The following DOCK8 variants were observed in gnomAD, a reference collection of about 807,000 sequenced individuals.
The protein encoded by DOCK8 is dedicator of cytokinesis 8.
In DOCK8, 141 loss-of-function variants were observed where a neutral mutation model predicts 245.6. That is an observed-to-expected ratio of 0.57 (90% confidence interval 0.50 to 0.66). The LOEUF (loss-of-function observed/expected upper bound fraction) is 0.66. Ranked by LOEUF, DOCK8 falls within the 30% of genes least tolerant of loss-of-function variation. The pLI is 0.00. For synonymous variants in DOCK8, 1,168 were observed against 970.2 expected (o/e 1.20, Z -3.79); for missense variants, 2,965 against 2,603.4 (o/e 1.14, Z -3.02).
At chr9:420,641 C>T in intron 31 of DOCK8, 58 bp downstream of exon 31, 1 of 1,602,372 alleles carries the variant, frequency 6.2e-7, no homozygotes, top group Non-Finnish European at 8.5e-7. Context: ...GCAATTCTGT[C>T]TTCTTACTCA....
At chr9:357,563 A>T (rs538585033) in intron 14 of DOCK8, among the ~76,000 whole-genome samples, 238 of 151,280 alleles carry the variant, frequency 1.6e-3, no homozygotes, top group Non-Finnish European at 2.3e-3. Context: ...CATTTATTGT[A>T]GAGTTTTTAA....
chr9:405,191 A>G (rs2055356285), intron 27 of DOCK8, 118 bp downstream of exon 27: 7 of 1,068,380 alleles, frequency 6.6e-6, no homozygotes, highest in East Asian at 2.6e-5. Context: ...AAATCAAACA[A>G]TTCAAACCAG....
chr9:274,864 G>A (rs2048281904), intron 2 of DOCK8, among the ~76,000 whole-genome samples: 1 of 152,118 alleles, frequency 6.6e-6, no homozygotes, highest in Non-Finnish European at 1.5e-5. Context: ...TCTGACCTTC[G>A]TTTCTCTTAC....
intron 27 of DOCK8, among the ~76,000 whole-genome samples, chr9:406,605 T>C (rs537201692): frequency 3.3e-4 from 51 of 152,270 alleles, no homozygotes; most frequent in African/African-American, 1.2e-3. Flanking sequence ...GAGGTTCTTA[T>C]TTCTCTGTCC....
rs1463046029 is a variant in DOCK8 at position 390,584 on chromosome 9, TTGTATC to T, written c.2970+22_2970+27del. 1 of 1,610,434 alleles carries T rather than the reference TTGTATC, an allele frequency of 6.2e-7. No homozygotes were observed. The highest frequency in any genetic ancestry group is 1.7e-5 in the Admixed American group (1 of 60,024). On this transcript the variant is annotated intron_variant, in intron 24 of 47. Coordinates refer to ENST00000432829, the MANE Select transcript of DOCK8 (RefSeq NM_203447.4). ...AGCTTCTGGTGAGATTCTTGCGCGT[TTGTATC>T]TGTGCTCAATAGGCCAAGAGAAGCA... is the stretch of plus-strand genomic sequence containing the variant.
intron 39 of DOCK8, among the ~76,000 whole-genome samples, chr9:436,645 A>G (rs1490034109): frequency 6.6e-6 from 1 of 152,234 alleles, no homozygotes; most frequent in Admixed American, 6.5e-5. Flanking sequence ...TTGATTTGCT[A>G]ATAATGACAT....
At chr9:408,770 A>G (rs992245890) in intron 28 of DOCK8, among the ~76,000 whole-genome samples, 12 of 152,226 alleles carry the variant, frequency 7.9e-5, no homozygotes, top group Non-Finnish European at 2.9e-5. Flanking sequence ...GATTCCTTGT[A>G]AAATTGTTGC....
In DOCK8 at chr9:372,210, G is replaced by T; in HGVS notation, c.2033G>T (p.Arg678Leu). ...YSWLPILLNE[R>L]LQTGSYCLPV... ...TGGCTGCCAATTCTCTTAAATGAAC[G>T]TCTTCAAACTGGATCCTACTGTCTC... Residue 678 changes from arginine to leucine, a missense_variant, in exon 18 of 48, where the codon CGT becomes CTT. Coordinates refer to ENST00000432829, the MANE Select transcript of DOCK8 (RefSeq NM_203447.4). 1 of 1,613,932 alleles carries T rather than the reference G, an allele frequency of 6.2e-7. No individual in the cohort carries two copies.
intron 4 of DOCK8, among the ~76,000 whole-genome samples, chr9:290,192 C>T (rs961748294): frequency 5.3e-5 from 8 of 152,010 alleles, no homozygotes; most frequent in African/African-American, 1.7e-4. Context: ...ACCCCTAGCC[C>T]GTGGGCAACA....
chr9:312,197 C>G (rs1227000426), intron 6 of DOCK8, 31 bp downstream of exon 6: 1 of 1,609,652 alleles, frequency 6.2e-7, no homozygotes. Context: ...ACTGGAGAAT[C>G]TCAGTGAAGA....
chr9:431,232 A>G (rs1235847544), intron 36 of DOCK8, among the ~76,000 whole-genome samples: 2 of 152,206 alleles, frequency 1.3e-5, no homozygotes, highest in African/African-American at 2.4e-5. Flanking sequence ...ATTATAGAAC[A>G]GTCAAGTTTG....
intron 5 of DOCK8, among the ~76,000 whole-genome samples, chr9:307,681 C>G (rs2049910734): frequency 6.6e-6 from 1 of 151,990 alleles, no homozygotes; most frequent in African/African-American, 2.4e-5. Flanking sequence ...TAAGAGCCAA[C>G]TTGATCATAT....
intron 1 of DOCK8, among the ~76,000 whole-genome samples, chr9:251,137 G>T (rs1257102598): frequency 6.6e-6 from 1 of 152,168 alleles, no homozygotes; most frequent in Non-Finnish European, 1.5e-5. Context: ...TGTTTCAGAT[G>T]TCTCCTTTGC....
At chr9:384,911 G>A (rs950656758) in intron 22 of DOCK8, among the ~76,000 whole-genome samples, 3 of 151,944 alleles carry the variant, frequency 2.0e-5, no homozygotes, top group African/African-American at 7.3e-5. Flanking sequence ...GCGAGACTAC[G>A]TCTAAAAAAA....
At chr9:307,726 A>C (rs2049913579) in intron 5 of DOCK8, among the ~76,000 whole-genome samples, 1 of 152,102 alleles carries the variant, frequency 6.6e-6, no homozygotes, top group Non-Finnish European at 1.5e-5. Flanking sequence ...ATATGTCCAG[A>C]GGAAAGGATA....
At chr9:407,958 A>G (rs1441175069) in intron 28 of DOCK8, among the ~76,000 whole-genome samples, 4 of 152,212 alleles carry the variant, frequency 2.6e-5, no homozygotes, top group Admixed American at 2.0e-4. Flanking sequence ...ACAGAATTGC[A>G]GGAACTTGCC....
intron 31 of DOCK8, 58 bp from the exon 32 acceptor site, chr9:420,891 C>A: frequency 6.2e-7 from 1 of 1,609,372 alleles, no homozygotes; most frequent in Non-Finnish European, 8.5e-7. Flanking sequence ...TTTGGTAACT[C>A]TCCCCATCAA....
At chr9:391,821 CTTTTTT>C (rs373810616) in intron 24 of DOCK8, among the ~76,000 whole-genome samples, 85 of 116,258 alleles carry the variant, frequency 7.3e-4, no homozygotes, top group African/African-American at 9.0e-4. Flanking sequence ...TTAAGTGAAT[CTTTTTT>C]TTTTTTTTTT....
At chr9:335,484 A>G (rs7854293) in intron 11 of DOCK8, among the ~76,000 whole-genome samples, 2,858 of 152,230 alleles carry the variant, frequency 0.019, 90 homozygotes, top group African/African-American at 0.066. Flanking sequence ...TGCTGCTGCT[A>G]TTTTGGAGTT....
Sources: gnomAD v4.1 joint callset for allele counts (sites outside exome capture counted in the v4.1 genomes callset) on GRCh38, gnomAD v4.1.1 for gene constraint, MANE v1.5 for transcripts, NCBI Gene and HGNC (gene_info 2026-07-23, HGNC 2026-07-21) for gene names.